Variants in PLCH2 observed in about 807,000 individuals in gnomAD.
The protein encoded by PLCH2 is 1-phosphatidylinositol 4,5-bisphosphate phosphodiesterase eta-2.
In PLCH2, 98 loss-of-function variants were observed where a neutral mutation model predicts 134.7. That is an observed-to-expected ratio of 0.73 (90% CI 0.62 to 0.86). The LOEUF (loss-of-function observed/expected upper bound fraction) is 0.86. Among genes scored for constraint, PLCH2 ranks in the 40% least tolerant of loss-of-function variants. The pLI, the probability that PLCH2 is intolerant of heterozygous loss-of-function variation, is 0.00. For missense variants in PLCH2, 1,994 were observed against 1,986.6 expected (o/e 1.00, Z -0.07); for synonymous variants, 974 against 827.5 (o/e 1.18, Z -3.04).
At chr1:2,470,258 G>A (rs942484329) in intron 1 of PLCH2, among the ~76,000 whole-genome samples, 34 of 152,334 alleles carry the variant, frequency 2.2e-4, no homozygotes, top group Admixed American at 1.6e-3. Context: ...GGGCAGCCCT[G>A]TGCCCTTCCT....
intron 20 of PLCH2, 36 bp from the exon 21 acceptor site, chr1:2,502,076 C>T (rs1570498226): frequency 7.1e-7 from 1 of 1,412,318 alleles, no homozygotes; most frequent in Non-Finnish European, 9.2e-7. Context: ...GGGCTGGGAC[C>T]CCTGGCAACA....
chr1:2,470,668 C>T (rs565261096), intron 1 of PLCH2, among the ~76,000 whole-genome samples: 1 of 152,206 alleles, frequency 6.6e-6, no homozygotes, highest in Non-Finnish European at 1.5e-5. Context: ...CCCTCCCGCG[C>T]CTGGCTATGG....
At chr1:2,424,676 C>A (rs1425678762), upstream of PLCH2, among the ~76,000 whole-genome samples, 1 of 151,994 alleles carries the variant, frequency 6.6e-6, no homozygotes, top group Non-Finnish European at 1.5e-5. Flanking sequence ...CATGGCAAAA[C>A]CCCATCTCTA....
Position 2,452,624 on chromosome 1 carries a change from A to C in PLCH2, c.115+21995A>C, listed in dbSNP as rs1445699419. ...CACTCCACCCCAAGCTGCCCCAGAGAGCAGCAGATGGGCCCAGGGAGGGGC... is the reference window on the plus strand; with the variant it reads ...CACTCCACCCCAAGCTGCCCCAGAGCGCAGCAGATGGGCCCAGGGAGGGGC... On this transcript the variant is annotated intron_variant, in intron 2 of 3. Transcript: ENST00000609981. 2.0e-5 allele frequency among the ~76,000 whole-genome samples: 3 copies of C among 152,152 alleles called. No homozygotes were observed. In the East Asian group the frequency reaches 5.8e-4, roughly 29 times the overall value.
At chr1:2,485,207 C>G (rs1642224383) in intron 5 of PLCH2, among the ~76,000 whole-genome samples, 1 of 152,226 alleles carries the variant, frequency 6.6e-6, no homozygotes, top group Admixed American at 6.5e-5. Flanking sequence ...CCTTAGAGAC[C>G]AATGCCAAGG....
At chr1:2,496,727 G>A (rs969549016) in intron 14 of PLCH2, 23 bp downstream of exon 14, 2 of 1,609,496 alleles carry the variant, frequency 1.2e-6, no homozygotes, top group Admixed American at 1.7e-5. Context: ...GGGACCTGGG[G>A]CCACGGGCGG....
chr1:2,474,151 G>A (rs550386181), upstream of PLCH2, among the ~76,000 whole-genome samples: 3 of 152,268 alleles, frequency 2.0e-5, no homozygotes, highest in South Asian at 2.1e-4. Context: ...ATGGGGGTGG[G>A]GCAGCCCCCT....
At position 2,444,885 on chromosome 1, in the gene PLCH2, C is replaced by A. The variant is rs1351937712; in HGVS notation, c.115+14256C>A. ...CCCAACACCCCTGACTTGGGGAGCC[C>A]ATGGTGTCTGCCTGCCTGGGTGTCT... On this transcript the variant is annotated intron_variant, in intron 2 of 3. Coordinates refer to the PLCH2 transcript ENST00000609981. The surrounding 1 kb of genome is among the most constrained non-coding windows in gnomAD (Gnocchi z 4.6). 1.3e-5 allele frequency among the ~76,000 whole-genome samples: 2 copies of A among 152,054 alleles called. No individual in the cohort carries two copies. The highest frequency in any genetic ancestry group is 4.8e-5 in the African/African-American group (2 of 41,400).
At position 2,495,482 on chromosome 1, in the gene PLCH2, G is replaced by C. The variant is rs376024803; in HGVS notation, c.1753-6G>C. On this transcript the variant is annotated splice_region_variant and splice_polypyrimidine_tract_variant and intron_variant, in intron 12 of 21. Transcript: ENST00000378486. ...CCTACAGCTCACACCTCTGCCCCCC[G>C]CACAGAAGAAGGGCAGCAAGCTGAA... is the stretch of plus-strand genomic sequence containing the variant. 2.6e-6 allele frequency: 4 copies of C among 1,550,768 alleles called. No homozygotes were observed. Among genetic ancestry groups the C allele is most frequent in the Non-Finnish European group, 2.6e-6 (3 of 1,146,522 alleles).
intron 21 of PLCH2, chr1:2,503,552 C>T: frequency 3.0e-6 from 2 of 666,938 alleles, no homozygotes; most frequent in Admixed American, 2.3e-5. Context: ...CCCCACACCA[C>T]CCTGCCCCTC....
In PLCH2 at chr1:2,504,201, G is replaced by A. The variant is rs866883600; in HGVS notation, c.3239G>A (p.Ser1080Asn). ...RAPGSQTDGR[S>N]QPRTLGHLPV... ...CCCGGCAGCCAGACGGACGGCAGGAGCCAGCCCCGGACCCTGGGCCACCTG... is the reference window on the plus strand; with the variant it reads ...CCCGGCAGCCAGACGGACGGCAGGAACCAGCCCCGGACCCTGGGCCACCTG... Residue 1080 changes from serine to asparagine, a missense_variant, in exon 22 of 22, where the codon AGC becomes AAC. Ser to Asn is a conservative substitution (Grantham distance 46). Transcript: ENST00000378486. 6.4e-7 allele frequency: 1 copy of A among 1,552,084 alleles called. No individual in the cohort carries two copies. Among genetic ancestry groups the A allele is most frequent in the East Asian group, 2.4e-5 (1 of 41,198 alleles).
At chr1:2,428,130 C>T (rs917855316) in intron 1 of PLCH2, among the ~76,000 whole-genome samples, 7 of 152,314 alleles carry the variant, frequency 4.6e-5, no homozygotes, top group East Asian at 3.9e-4. Flanking sequence ...CAGCATGGCC[C>T]GGTCCAGCCT....
upstream of PLCH2, among the ~76,000 whole-genome samples, chr1:2,465,270 A>G (rs1018104580): frequency 1.3e-5 from 2 of 152,204 alleles, no homozygotes; most frequent in African/African-American, 2.4e-5. Context: ...CTGTGGGGAC[A>G]GGGGCAGCCT....
chr1:2,459,594 TTCCTTTCCGGTGGTCC>T (rs1475595023), intron 2 of PLCH2, among the ~76,000 whole-genome samples: 2 of 52,754 alleles, frequency 3.8e-5, no homozygotes, highest in East Asian at 2.6e-3. Flanking sequence ...GCCGGTGGTC[TTCCTTTCCGGTGGTCC>T]TCCTTGCCTG....
At chr1:2,419,000 A>G in the PLCH2 span, among the ~76,000 whole-genome samples, 1 of 152,034 alleles carries the variant, frequency 6.6e-6, no homozygotes. Context: ...TCACCTCCCC[A>G]TCCTCGGGGT....
chr1:2,451,361 G>C (rs2100557276), intron 2 of PLCH2, among the ~76,000 whole-genome samples: 1 of 152,228 alleles, frequency 6.6e-6, no homozygotes, highest in East Asian at 1.9e-4. Context: ...CACTAGCAGT[G>C]ACAGGCAGAG....
In PLCH2 at chr1:2,487,726, G is replaced by A. The variant is rs1393069910; in HGVS notation, c.1235+8G>A. Reference sequence around the variant, plus strand: ...TGCCTTCATCAAGAATGAGTGAGTGGCTGGGCCTAGCGGGGCTGGCCCCAG... The same window carrying A: ...TGCCTTCATCAAGAATGAGTGAGTGACTGGGCCTAGCGGGGCTGGCCCCAG... On this transcript the variant is annotated splice_region_variant and intron_variant, in intron 8 of 21. Transcript: ENST00000378486. The A allele has an allele frequency of 6.2e-7, 1 of 1,611,856 alleles. No homozygotes were observed. Among genetic ancestry groups the A allele is most frequent in the Non-Finnish European group, 8.5e-7 (1 of 1,179,254 alleles).
In PLCH2 at chr1:2,498,160, C is replaced by T; in HGVS notation, c.2225-363C>T. ...TGTGGACCAGCTACTTCCACCTCTGCCCTTGGCTTGCCCTCCTCAGAGTTC... is the reference window on the plus strand; with the variant it reads ...TGTGGACCAGCTACTTCCACCTCTGTCCTTGGCTTGCCCTCCTCAGAGTTC... On this transcript the variant is annotated intron_variant, in intron 16 of 21. Transcript: ENST00000378486. The surrounding 1 kb of genome is among the most constrained non-coding windows in gnomAD (Gnocchi z 5.4). 1 of 296,364 alleles carries T rather than the reference C, an allele frequency of 3.4e-6. No individual in the cohort carries two copies. Among genetic ancestry groups the T allele is most frequent in the Non-Finnish European group, 6.3e-6 (1 of 157,528 alleles). The allele number at this position is 296,364 out of a possible 1,614,324, so 18.4% of individuals were successfully genotyped here.
chr1:2,421,330 G>C (rs566844634), upstream of PLCH2, among the ~76,000 whole-genome samples: 1 of 152,268 alleles, frequency 6.6e-6, no homozygotes, highest in African/African-American at 2.4e-5. Flanking sequence ...AGGCTTGCAC[G>C]TGCTCACCAG....
Sources: allele counts gnomAD v4.1 joint callset (sites outside exome capture counted in the v4.1 genomes callset), GRCh38; gene constraint gnomAD v4.1.1; non-coding constraint Gnocchi (gnomAD v3.1); transcripts MANE v1.5; gene names NCBI Gene and HGNC (gene_info 2026-07-23, HGNC 2026-07-21).